Variants in FREM2 observed in about 807,000 individuals in gnomAD.
The protein encoded by FREM2 is FRAS1-related extracellular matrix protein 2.
A neutral mutation model predicts 219.9 loss-of-function variants in FREM2; 119 were observed. That is an observed-to-expected ratio of 0.54 (90% CI 0.47 to 0.63). The LOEUF is 0.63. Ranked by LOEUF, FREM2 falls within the 30% of genes least tolerant of loss-of-function variation. The pLI, the probability that FREM2 is intolerant of heterozygous loss-of-function variation, is 0.00. For missense variants in FREM2, 4,030 were observed against 3,993.6 expected (o/e 1.01, Z -0.25); for synonymous variants, 1,562 against 1,522.8 (o/e 1.03, Z -0.60).
intron 6 of FREM2, among the ~76,000 whole-genome samples, chr13:38,805,817 G>A (rs867392178): frequency 2.6e-5 from 4 of 151,884 alleles, no homozygotes; most frequent in South Asian, 4.2e-4. Flanking sequence ...GTGAAAATGT[G>A]CGGTATTAAG....
intron 6 of FREM2, among the ~76,000 whole-genome samples, chr13:38,818,451 T>C (rs1163783088): frequency 1.3e-5 from 2 of 152,026 alleles, no homozygotes; most frequent in Non-Finnish European, 2.9e-5. Flanking sequence ...AAATACCACA[T>C]GATGTCACTC....
chr13:38,713,324 C>T (rs1297345589), intron 2 of FREM2, among the ~76,000 whole-genome samples: 3 of 152,164 alleles, frequency 2.0e-5, no homozygotes, highest in Non-Finnish European at 4.4e-5. Flanking sequence ...CTTTTGTTCC[C>T]TCATCTGTAA....
chr13:38,761,374 A>G (rs572423240), intron 2 of FREM2, among the ~76,000 whole-genome samples: 1 of 152,164 alleles, frequency 6.6e-6, no homozygotes, highest in Non-Finnish European at 1.5e-5. Flanking sequence ...TTCATCTGAT[A>G]ATTTGTTTTG....
Position 38,691,907 on chromosome 13 carries a change from A to G in FREM2, c.4563A>G (p.Thr1521=). The G allele has an allele frequency of 6.2e-7, 1 of 1,614,198 alleles. No homozygotes were observed. The highest frequency in any genetic ancestry group is 8.5e-7 in the Non-Finnish European group (1 of 1,180,038). Residue 1521 remains threonine, a synonymous_variant, in exon 1 of 24, where the codon ACA becomes ACG. Transcript: ENST00000280481. ...VTDGRNPVFR[T]FRISISDVDN... is the part of the protein sequence containing the mutation. ...ATGGACGTAACCCTGTCTTTCGGACATTCCGTATCTCCATTAGCGATGTGG... is the reference window on the plus strand; with the variant it reads ...ATGGACGTAACCCTGTCTTTCGGACGTTCCGTATCTCCATTAGCGATGTGG...
chr13:38,698,022 A>G (rs1488896391), intron 2 of FREM2, among the ~76,000 whole-genome samples: 3 of 152,198 alleles, frequency 2.0e-5, no homozygotes, highest in African/African-American at 4.8e-5. Flanking sequence ...GTAAAGCACT[A>G]AAGAGAGAGA....
chr13:38,756,566 C>T (rs1414649559), intron 2 of FREM2, among the ~76,000 whole-genome samples: 6 of 133,102 alleles, frequency 4.5e-5, no homozygotes, highest in East Asian at 4.5e-4. Flanking sequence ...GTCACTCTGT[C>T]GCCCAGGATG....
intron 2 of FREM2, among the ~76,000 whole-genome samples, chr13:38,714,991 C>T (rs541667282): frequency 6.6e-6 from 1 of 152,026 alleles, no homozygotes; most frequent in Non-Finnish European, 1.5e-5. Context: ...ACTTGGGAGG[C>T]TAAGGCAAGA....
chr13:38,797,688 G>A (rs1239798149), intron 6 of FREM2, among the ~76,000 whole-genome samples: 1 of 151,854 alleles, frequency 6.6e-6, no homozygotes, highest in Non-Finnish European at 1.5e-5. Context: ...CTAGACAAAT[G>A]TTCCCAAGTT....
At chr13:38,717,498 C>T (rs1255372979) in intron 2 of FREM2, among the ~76,000 whole-genome samples, 1 of 142,682 alleles carries the variant, frequency 7.0e-6, no homozygotes, top group African/African-American at 2.5e-5. Context: ...CTCACTGCAA[C>T]TTCTACCTCT....
chr13:38,786,412 G>A (rs1042661181), intron 6 of FREM2, among the ~76,000 whole-genome samples: 2 of 152,142 alleles, frequency 1.3e-5, no homozygotes, highest in Non-Finnish European at 2.9e-5. Flanking sequence ...AGTATAAGCT[G>A]CTCTAATATT....
intron 2 of FREM2, among the ~76,000 whole-genome samples, chr13:38,719,252 CT>C (rs1231531092): frequency 2.0e-5 from 3 of 152,166 alleles, no homozygotes; most frequent in Non-Finnish European, 4.4e-5. Flanking sequence ...TGGAGTTTCG[CT>C]CTTGTTGCCC....
chr13:38,709,449 A>T (rs981477048), intron 2 of FREM2, among the ~76,000 whole-genome samples: 1 of 152,174 alleles, frequency 6.6e-6, no homozygotes, highest in Non-Finnish European at 1.5e-5. Context: ...GTAAATATAT[A>T]GACACATACA....
chr13:38,719,050 G>A (rs1871119515), intron 2 of FREM2, among the ~76,000 whole-genome samples: 1 of 152,134 alleles, frequency 6.6e-6, no homozygotes, highest in Non-Finnish European at 1.5e-5. Flanking sequence ...ACAGTTTGGA[G>A]GTCAGAAGTT....
chr13:38,726,123 G>A (rs546674255), intron 2 of FREM2, among the ~76,000 whole-genome samples: 2 of 152,300 alleles, frequency 1.3e-5, no homozygotes, highest in South Asian at 4.1e-4. Context: ...AGGAGGGGGC[G>A]AGAGAAAAGC....
intron 6 of FREM2, among the ~76,000 whole-genome samples, chr13:38,844,840 C>G (rs1877091571): frequency 1.3e-5 from 2 of 152,132 alleles, no homozygotes; most frequent in African/African-American, 4.8e-5. Context: ...TACAGATGTG[C>G]CTGGTTTGGC....
At chr13:38,868,072 T>C (rs1462607743) in intron 16 of FREM2, among the ~76,000 whole-genome samples, 1 of 152,194 alleles carries the variant, frequency 6.6e-6, no homozygotes, top group Non-Finnish European at 1.5e-5. Context: ...TTCACTGAGG[T>C]TAAGTTTCTA....
intron 2 of FREM2, among the ~76,000 whole-genome samples, chr13:38,754,047 C>G (rs1400148595): frequency 6.6e-6 from 1 of 151,244 alleles, no homozygotes; most frequent in African/African-American, 2.4e-5. Flanking sequence ...CAGAGGATCC[C>G]TGCAGGCTCA....
intron 6 of FREM2, among the ~76,000 whole-genome samples, chr13:38,792,607 A>C (rs1019244297): frequency 6.6e-6 from 1 of 152,144 alleles, no homozygotes; most frequent in African/African-American, 2.4e-5. Context: ...AAACCTTATT[A>C]TATGTATGTA....
chr13:38,805,841 T>C (rs933281186), intron 6 of FREM2, among the ~76,000 whole-genome samples: 1 of 151,942 alleles, frequency 6.6e-6, no homozygotes, highest in Admixed American at 6.6e-5. Context: ...ATTAATGGAA[T>C]TGTCAAATAA....
Sources: gnomAD v4.1 joint callset for allele counts (sites outside exome capture counted in the v4.1 genomes callset) on GRCh38, gnomAD v4.1.1 for gene constraint, MANE v1.5 for transcripts, NCBI Gene and HGNC (gene_info 2026-07-23, HGNC 2026-07-21) for gene names.